The following EPC1 variants were observed in gnomAD, a reference collection of about 807,000 sequenced individuals.
EPC1 encodes enhancer of polycomb 1, also known as enhancer of polycomb homolog 1.
In EPC1, 12 loss-of-function variants were observed where a neutral mutation model predicts 98.4. The observed-to-expected ratio is 0.12, with a 90% CI of 0.08 to 0.20. The LOEUF (loss-of-function observed/expected upper bound fraction) is 0.20, where lower values mean the gene tolerates loss of function less well. Among genes scored for constraint, EPC1 ranks in the 10% least tolerant of loss-of-function variants. The pLI is 1.00. For synonymous variants in EPC1, 357 were observed against 363.9 expected, an observed-to-expected ratio of 0.98 and a Z score of 0.21; for missense variants, 729 against 990.5, an observed-to-expected ratio of 0.74 and a Z score of 3.54.
intron 6 of EPC1, among the ~76,000 whole-genome samples, chr10:32,290,253 G>A (rs919088243): frequency 2.0e-5 from 3 of 151,926 alleles, no homozygotes; most frequent in African/African-American, 4.8e-5. Flanking sequence ...AGGCCTAGAC[G>A]GGCGGATCAC....
intron 1 of EPC1, among the ~76,000 whole-genome samples, chr10:32,339,907 T>G (rs1838231196): frequency 6.6e-6 from 1 of 152,152 alleles, no homozygotes. Flanking sequence ...TTCCTTAGGA[T>G]ACACAATTGC....
chr10:32,371,078 AT>A (rs752013530), intron 1 of EPC1, among the ~76,000 whole-genome samples: 5 of 152,174 alleles, frequency 3.3e-5, no homozygotes, highest in Non-Finnish European at 7.4e-5. Flanking sequence ...TTCCTCCCTC[AT>A]TTAGGTTGGC....
intron 1 of EPC1, among the ~76,000 whole-genome samples, chr10:32,368,824 A>G (rs1839671914): frequency 6.6e-6 from 1 of 152,230 alleles, no homozygotes. Context: ...GTACATCTTG[A>G]GTACTTATGG....
intron 1 of EPC1, among the ~76,000 whole-genome samples, chr10:32,323,034 T>C (rs1837026597): frequency 6.6e-6 from 1 of 152,214 alleles, no homozygotes; most frequent in African/African-American, 2.4e-5. Flanking sequence ...CTTGAGGTGA[T>C]GTATACTCAA....
In EPC1 at chr10:32,292,980, T is replaced by C; in HGVS notation, c.666+8A>G. The C allele has an allele frequency of 6.5e-7, 1 of 1,527,452 alleles. No individual in the cohort carries two copies. The highest frequency in any genetic ancestry group is 2.3e-5 in the East Asian group (1 of 43,290). The allele number at this position is 1,527,452 out of a possible 1,614,324, so 94.6% of individuals were successfully genotyped here. A position where few individuals can be genotyped will look rare whatever the true frequency, so the allele number is the denominator to read the frequency against. On this transcript the variant is annotated splice_region_variant and intron_variant, in intron 4 of 13. Transcript: ENST00000319778. The stretch of plus-strand genomic sequence containing the variant: ...TAATTATCAAAAAAATTCTTCAAAT[T>C]CACTTACTTTTCGAGTCTGCATTTT...
chr10:32,299,724 A>G (rs749302693), intron 2 of EPC1, among the ~76,000 whole-genome samples: 5 of 152,152 alleles, frequency 3.3e-5, no homozygotes, highest in Admixed American at 1.3e-4. Flanking sequence ...TCTGTTCCTC[A>G]TAAGTAATGA....
intron 2 of EPC1, among the ~76,000 whole-genome samples, chr10:32,300,949 G>A (rs946971704): frequency 3.9e-5 from 6 of 152,000 alleles, no homozygotes; most frequent in Non-Finnish European, 8.8e-5. Flanking sequence ...TTCCTGGGCC[G>A]TTTAGTGGGG....
chr10:32,358,079 T>A (rs1426671549), intron 1 of EPC1, among the ~76,000 whole-genome samples: 1 of 152,078 alleles, frequency 6.6e-6, no homozygotes, highest in East Asian at 1.9e-4. Flanking sequence ...AGTCTCGAAC[T>A]CCTGACCTCA....
intron 1 of EPC1, among the ~76,000 whole-genome samples, chr10:32,319,108 A>T (rs1033023721): frequency 2.6e-5 from 4 of 152,130 alleles, no homozygotes; most frequent in African/African-American, 9.7e-5. Flanking sequence ...TCCCTTCTTT[A>T]TAATTCTACT....
chr10:32,301,137 C>T (rs978120547), intron 2 of EPC1, among the ~76,000 whole-genome samples: 7 of 151,962 alleles, frequency 4.6e-5, no homozygotes, highest in Non-Finnish European at 8.8e-5. Context: ...CACTCATACA[C>T]GCAAATGCAT....
At chr10:32,306,002 GGTT>G (rs1835856136) in intron 1 of EPC1, 71 bp from the exon 2 acceptor site, 1 of 1,349,112 alleles carries the variant, frequency 7.4e-7, no homozygotes, top group African/African-American at 1.5e-5. Flanking sequence ...TAGCCAAAAA[GGTT>G]TTTTTGGCTC....
chr10:32,275,693 T>G (rs1448397127), intron 10 of EPC1, among the ~76,000 whole-genome samples: 1 of 150,674 alleles, frequency 6.6e-6, no homozygotes, highest in East Asian at 2.0e-4. Flanking sequence ...GAGAATGGTG[T>G]GAACCCGGGA....
intron 1 of EPC1, among the ~76,000 whole-genome samples, chr10:32,310,946 G>T (rs1458392026): frequency 6.6e-6 from 1 of 151,932 alleles, no homozygotes; most frequent in East Asian, 1.9e-4. Flanking sequence ...TTTATAAATG[G>T]CATTTGGGGT....
chr10:32,305,696 G>A (rs1835838359), intron 2 of EPC1, 76 bp downstream of exon 2: 39 of 1,289,612 alleles, frequency 3.0e-5, no homozygotes, highest in Non-Finnish European at 3.9e-5. Context: ...AAACGCTCCT[G>A]AAGAGATAAA....
chr10:32,327,314 A>G (rs535397906), intron 1 of EPC1, among the ~76,000 whole-genome samples: 370 of 152,324 alleles, frequency 2.4e-3, no homozygotes, highest in African/African-American at 8.5e-3. Context: ...ATCAGGAGGG[A>G]CGGGAAACAG....
Position 32,347,088 on chromosome 10 carries a change from G to A in EPC1, c.-173C>T, listed in dbSNP as rs1838894149. The stretch of plus-strand genomic sequence containing the variant: ...AGCCGGGAGGGTGGGAGGCTGTGCC[G>A]CTCCGCTCCTCTCTCGCTCGCTCTC... On this transcript the variant is annotated 5_prime_UTR_variant, in exon 1 of 14. Coordinates refer to ENST00000319778, the MANE Select transcript of EPC1 (RefSeq NM_001272004.3). 1 of 1,443,764 alleles carries A rather than the reference G, an allele frequency of 6.9e-7. No homozygotes were observed. The highest frequency in any genetic ancestry group is 2.8e-5 in the Admixed American group (1 of 35,426). 89.4% of individuals were successfully genotyped at this position (1,443,764 alleles called of 1,614,324 possible). A position where few individuals can be genotyped will look rare whatever the true frequency, so the allele number is the denominator to read the frequency against.
intron 1 of EPC1, among the ~76,000 whole-genome samples, chr10:32,335,034 G>A (rs979820559): frequency 6.6e-6 from 1 of 152,172 alleles, no homozygotes; most frequent in African/African-American, 2.4e-5. Context: ...TGTGCAGCAG[G>A]AATGATAGGT....
chr10:32,269,720 A>G (rs1484556495), intron 13 of EPC1, among the ~76,000 whole-genome samples: 2 of 152,260 alleles, frequency 1.3e-5, no homozygotes, highest in Non-Finnish European at 2.9e-5. Context: ...TAAAATCATG[A>G]TATGAGTCAG....
intron 1 of EPC1, among the ~76,000 whole-genome samples, chr10:32,321,325 A>G (rs2505410): frequency 0.85 from 129,397 of 152,108 alleles, 55,148 homozygotes; most frequent in East Asian, 0.96. Context: ...TTTACGGGAA[A>G]AGTTTGCAGA....
Sources: gnomAD v4.1 joint callset for allele counts (sites outside exome capture counted in the v4.1 genomes callset) on GRCh38, gnomAD v4.1.1 for gene constraint, MANE v1.5 for transcripts, NCBI Gene and HGNC (gene_info 2026-07-23, HGNC 2026-07-21) for gene names.